The following MUC4 variants were observed in gnomAD, a reference collection of about 807,000 sequenced individuals.
The protein encoded by MUC4 is mucin 4, cell surface associated, also known as mucin-4.
In MUC4, 202 loss-of-function variants were observed where a neutral mutation model predicts 257.9. That is an observed-to-expected ratio of 0.78 (90% CI 0.70 to 0.88). The LOEUF is 0.88. Ranked by LOEUF, MUC4 falls within the 40% of genes least tolerant of loss-of-function variation. The pLI, the probability that MUC4 is intolerant of heterozygous loss-of-function variation, is 0.00. For missense variants in MUC4, 5,976 were observed against 6,513.7 expected, an observed-to-expected ratio of 0.92 and a Z score of 2.84; for synonymous variants, 2,351 against 2,757.1, an observed-to-expected ratio of 0.85 and a Z score of 4.62.
rs1722934995 is a variant in MUC4 at position 195,771,760 on chromosome 3, G to A, written c.13134C>T (p.Tyr4378=). The change falls in exon 5 of 25, where the codon TAC becomes TAT. Residue 4378 remains tyrosine, a synonymous_variant. Transcript: ENST00000463781. ...FPESDYQIFS[Y]PNPLPTGFTG... is the part of the protein sequence containing the mutation. ...TGAAGCCTGTTGGGAGTGGGTTGGG[G>A]TAGGAGAAAATCTGGTAGTCTGACT... 2 of 1,613,960 alleles carry A rather than the reference G, an allele frequency of 1.2e-6. No individual in the cohort carries two copies. The highest frequency in any genetic ancestry group is 1.7e-6 in the Non-Finnish European group (2 of 1,179,854).
intron 1 of MUC4, among the ~76,000 whole-genome samples, chr3:195,801,437 C>T (rs1039887343): frequency 3.3e-5 from 5 of 151,510 alleles, no homozygotes; most frequent in African/African-American, 1.2e-4. Context: ...GCACCCTCCC[C>T]GGGGCCCCGG....
chr3:195,778,542 A>G, intron 2 of MUC4, 87 bp from the exon 3 acceptor site: 2 of 1,551,426 alleles, frequency 1.3e-6, no homozygotes, highest in Non-Finnish European at 8.7e-7. Context: ...AGGAGCTGGA[A>G]GAGGGAGCTG....
rs1205513850 is a variant in MUC4, at chr3:195,782,532, T to G, written c.9048A>C (p.Ser3016=). 6.8e-7 allele frequency: 1 copy of G among 1,476,002 alleles called. No individual in the cohort carries two copies. Among genetic ancestry groups the G allele is most frequent in the Admixed American group, 2.1e-5 (1 of 47,920 alleles). The allele number at this position is 1,476,002 out of a possible 1,614,324, so 91.4% of individuals were successfully genotyped here. A position where few individuals can be genotyped will look rare whatever the true frequency, so the allele number is the denominator to read the frequency against. The change falls in exon 2 of 25, where the codon TCA becomes TCC. Residue 3016 remains serine (S), a synonymous_variant. Transcript: ENST00000463781. ...GAGGGGTGGCGTGACCTGTGGATAT[T>G]GAGGAAGTGTCGGTGACAGGAAGAG... The part of the protein sequence containing the change: ...ATSLPVTDTS[S]ISTGHATPLH...
Position 195,789,158 on chromosome 3 carries a change from A to T in MUC4, c.2422T>A (p.Ser808Thr). ...GAAGGTGTTGTGCCACTCGCCCCGG[A>T]TGAGGAAGGGGTAGCTGTGCCCGCT... is the stretch of plus-strand genomic sequence containing the variant. ...TSAGTATPSS[S>T]GASGTTPSGS... Residue 808 changes from serine to threonine, a missense_variant, in exon 2 of 25, where the codon TCC (serine) becomes ACC (threonine). By Grantham distance (58) the Ser-to-Thr change is moderately conservative (BLOSUM62 1). Coordinates refer to ENST00000463781, the MANE Select transcript of MUC4 (RefSeq NM_018406.7). 3 of 1,613,552 alleles carry T rather than the reference A, an allele frequency of 1.9e-6. No homozygotes were observed. The highest frequency in any genetic ancestry group is 2.5e-6 in the Non-Finnish European group (3 of 1,179,798).
At position 195,784,218 on chromosome 3, in the gene MUC4, A is replaced by T; in HGVS notation, c.7362T>A (p.Thr2454=). The T allele has an allele frequency of 6.7e-7, 1 of 1,496,654 alleles. No homozygotes were observed. Among genetic ancestry groups the T allele is most frequent in the Admixed American group, 2.1e-5 (1 of 48,684 alleles). 92.7% of individuals were successfully genotyped at this position (1,496,654 alleles called of 1,614,324 possible). Reference sequence around the variant, plus strand: ...TGGTGTCACCTGTGGATGCTGAGGAAGTGCTGGTGACAGGAAGAGGGGTGG... The same window carrying T: ...TGGTGTCACCTGTGGATGCTGAGGATGTGCTGGTGACAGGAAGAGGGGTGG... ...GHATPLPVTS[T]SSASTGDTTP... The change falls in exon 2 of 25, where the codon ACT becomes ACA. Residue 2454 remains threonine (T), a synonymous_variant. Coordinates refer to ENST00000463781, the MANE Select transcript of MUC4 (RefSeq NM_018406.7).
In MUC4 at chr3:195,763,609, A is replaced by C. The variant is rs868042337; in HGVS notation, c.14077T>G (p.Leu4693Val). The C allele has an allele frequency of 4.5e-6, 7 of 1,567,914 alleles. No homozygotes were observed. In the East Asian group the frequency reaches 1.4e-4, roughly 31 times the overall value. ...TTGAAGGTGTAACTGACACCATCCA[A>C]GGTGGTGATGTGGGGGTCCCCGAAC... ...WMFGDPHITTLDGVSYTFNGL... is the reference protein window; with the variant it reads ...WMFGDPHITTVDGVSYTFNGL... The change falls in exon 12 of 25, where the codon TTG (leucine) becomes GTG (valine). Residue 4693 changes from leucine to valine, a missense_variant. By Grantham distance (32) the Leu-to-Val change is conservative (BLOSUM62 1). Transcript: ENST00000463781.
At chr3:195,767,820 C>CCACCATCACCAT (rs1721668940) in intron 7 of MUC4, among the ~76,000 whole-genome samples, 1 of 41,514 alleles carries the variant, frequency 2.4e-5, no homozygotes, top group Non-Finnish European at 4.8e-5. Context: ...ACCATCACCA[C>CCACCATCACCAT]CACCACCACC....
At chr3:195,770,754 C>G in intron 5 of MUC4, 1 of 432,300 alleles carries the variant, frequency 2.3e-6, no homozygotes. Context: ...CTGCCCTGTC[C>G]GTGGCAGGGG....
chr3:195,793,886 C>G (rs1734195273), intron 1 of MUC4, among the ~76,000 whole-genome samples: 1 of 152,076 alleles, frequency 6.6e-6, no homozygotes. Flanking sequence ...TACTCTTGCC[C>G]TGGTCACAGA....
intron 24 of MUC4, among the ~76,000 whole-genome samples, chr3:195,747,592 C>T (rs1392481450): frequency 3.9e-5 from 6 of 152,282 alleles, no homozygotes; most frequent in Admixed American, 3.9e-4. Flanking sequence ...TGGGCCGGCG[C>T]GGGGGCTCAC....
chr3:195,753,993 G>A (rs1053651690), intron 19 of MUC4: 24 of 574,632 alleles, frequency 4.2e-5, no homozygotes, highest in African/African-American at 2.9e-4. Context: ...TTCTCCTTCA[G>A]CCCCACACCA....
At position 195,781,727 on chromosome 3, in the gene MUC4, C is replaced by A; in HGVS notation, c.9853G>T (p.Asp3285Tyr). ...TCACCTGTGGATGATGAGGAAGTGT[C>A]GGTGACAGGAAGAGAGGTGGTGTCA... ...TGDTTSLPVT[D>Y]TSSSSTGDTT... The change falls in exon 2 of 25, where the codon GAC (aspartate) becomes TAC (tyrosine). Residue 3285 changes from aspartate (D) to tyrosine (Y), a missense_variant. Transcript: ENST00000463781. The A allele has an allele frequency of 6.9e-7, 1 of 1,452,332 alleles. No homozygotes were observed. The highest frequency in any genetic ancestry group is 9.1e-7 in the Non-Finnish European group (1 of 1,098,188). The allele number at this position is 1,452,332 out of a possible 1,614,324, so 90.0% of individuals were successfully genotyped here. A position where few individuals can be genotyped will look rare whatever the true frequency, so the allele number is the denominator to read the frequency against.
At chr3:195,772,641 CCTCT>C (rs1180311440) in intron 4 of MUC4, among the ~76,000 whole-genome samples, 2 of 134,808 alleles carry the variant, frequency 1.5e-5, no homozygotes, top group South Asian at 2.4e-4. Context: ...GGGGTGGAAA[CCTCT>C]CTCTATCACT....
At chr3:195,750,542 G>A in intron 23 of MUC4, 2 of 367,474 alleles carry the variant, frequency 5.4e-6, no homozygotes, top group Non-Finnish European at 1.0e-5. Context: ...TCCCGCTGGA[G>A]AGCAGAGACG....
At chr3:195,761,265 C>A in intron 15 of MUC4, 148 bp from the exon 16 acceptor site, 1 of 780,604 alleles carries the variant, frequency 1.3e-6, no homozygotes, top group South Asian at 1.7e-5. Flanking sequence ...TCTAGAAACA[C>A]CTGCTGCAGT....
intron 19 of MUC4, chr3:195,753,972 T>C (rs1717000081): frequency 2.1e-6 from 1 of 473,784 alleles, no homozygotes; most frequent in Non-Finnish European, 3.6e-6. Context: ...CCCCTATGCC[T>C]GTACAACCTC....
At position 195,757,693 on chromosome 3, in the gene MUC4, G is replaced by C. The variant is rs1044536641; in HGVS notation, c.14987-365C>G. Among the ~76,000 whole-genome samples, 1 of 152,056 alleles carries C rather than the reference G, an allele frequency of 6.6e-6. No homozygotes were observed. Among genetic ancestry groups the C allele is most frequent in the Non-Finnish European group, 1.5e-5 (1 of 68,008 alleles). On this transcript the variant is annotated intron_variant, in intron 17 of 24. Transcript: ENST00000463781. The surrounding 1 kb of genome is among the most constrained non-coding windows in gnomAD (Gnocchi z 4.8). ...AGACACCTCCCCAGGCTGCGCTGCC[G>C]GCCAAACTGGCTTCACTCTCACGGC...
rs1019318153 is a variant in MUC4, at chr3:195,791,317, G to C, written c.263C>G (p.Ala88Gly). The C allele has an allele frequency of 1.2e-6, 2 of 1,613,840 alleles. No homozygotes were observed. The highest frequency in any genetic ancestry group is 2.7e-5 in the African/African-American group (2 of 74,894). Residue 88 changes from alanine to glycine, a missense_variant, in exon 2 of 25, where the codon GCT becomes GGT. Around this residue, in one of 44 missense-constraint regions of MUC4, gnomAD observed 1,583 missense variants for 1,257.4 expected, o/e 1.26. Coordinates refer to ENST00000463781, the MANE Select transcript of MUC4 (RefSeq NM_018406.7). ...QTKSTETTSK[A>G]QTDTLTQMMT... Reference sequence around the variant, plus strand: ...CATCTGCGTGAGGGTGTCGGTTTGAGCTTTGCTGGTGGTCTCCGTGCTCTT... The same window carrying C: ...CATCTGCGTGAGGGTGTCGGTTTGACCTTTGCTGGTGGTCTCCGTGCTCTT...
At position 195,788,124 on chromosome 3, in the gene MUC4, A is replaced by G. The variant is rs879192118; in HGVS notation, c.3456T>C (p.Pro1152=). 7.7e-7 allele frequency: 1 copy of G among 1,298,740 alleles called. No individual in the cohort carries two copies. Among genetic ancestry groups the G allele is most frequent in the Admixed American group, 2.7e-5 (1 of 37,106 alleles). The allele number at this position is 1,298,740 out of a possible 1,614,324, so 80.5% of individuals were successfully genotyped here. A position where few individuals can be genotyped will look rare whatever the true frequency, so the allele number is the denominator to read the frequency against. Residue 1152 remains proline, a synonymous_variant, in exon 2 of 25, where the codon CCT becomes CCC. Coordinates refer to ENST00000463781, the MANE Select transcript of MUC4 (RefSeq NM_018406.7). ...TSSVSTGHTT[P]LHVTDASSAS... is the part of the protein sequence containing the mutation. ...CTGAGGAAGCATCAGTGACATGAAG[A>G]GGGGTGGTGTGACCTGTGGATACTG...
Sources: allele counts gnomAD v4.1 joint callset (sites outside exome capture counted in the v4.1 genomes callset), GRCh38; gene constraint gnomAD v4.1.1; regional missense constraint gnomAD v4.1.1; non-coding constraint Gnocchi (gnomAD v3.1); transcripts MANE v1.5; gene names NCBI Gene and HGNC (gene_info 2026-07-23, HGNC 2026-07-21).